The following XPA variants were observed in gnomAD, a reference collection of about 807,000 sequenced individuals.
XPA encodes DNA repair protein complementing XP-A cells.
XPA carries 27 observed loss-of-function variants against 35.7 expected under a neutral mutation model. That is an observed-to-expected ratio of 0.76 (90% CI 0.56 to 1.04). The LOEUF is 1.04. Ranked by LOEUF, XPA falls within the 50% of genes least tolerant of loss-of-function variation. The pLI is 0.00. For missense variants in XPA, 354 were observed against 342.7 expected (o/e 1.03, Z -0.26); for synonymous variants, 133 against 118.4 (o/e 1.12, Z -0.80).
intron 5 of XPA, among the ~76,000 whole-genome samples, chr9:97,684,118 T>G (rs1828632637): frequency 6.6e-6 from 1 of 152,212 alleles, no homozygotes; most frequent in African/African-American, 2.4e-5. Flanking sequence ...CACCGCACGT[T>G]CATCACTATC....
chr9:97,665,552 C>T, the XPA span, among the ~76,000 whole-genome samples: 3 of 152,236 alleles, frequency 2.0e-5, no homozygotes, highest in African/African-American at 7.2e-5. Flanking sequence ...ACTCTGCAAA[C>T]CTTTCCCTGA....
the XPA span, chr9:97,668,822 C>T: frequency 4.4e-6 from 7 of 1,603,842 alleles, no homozygotes; most frequent in Non-Finnish European, 5.1e-6. Context: ...TGGTATTTTC[C>T]TTTTGTTCAT....
At chr9:97,680,368 C>G (rs1294374240) in intron 5 of XPA, among the ~76,000 whole-genome samples, 1 of 152,028 alleles carries the variant, frequency 6.6e-6, no homozygotes, top group African/African-American at 2.4e-5. Context: ...ACCATCATGC[C>G]CAGCTAATTT....
At chr9:97,676,606 G>C (rs906715950) in intron 5 of XPA, among the ~76,000 whole-genome samples, 2 of 152,054 alleles carry the variant, frequency 1.3e-5, no homozygotes, top group Admixed American at 6.5e-5. Flanking sequence ...CTTATTTTCA[G>C]CTTTTATGAG....
rs548728905 is a variant in XPA, at chr9:97,675,000, C to T, written c.*439G>A. The T allele has an allele frequency of 3.8e-6, 2 of 526,096 alleles. No homozygotes were observed. Among genetic ancestry groups the T allele is most frequent in the Non-Finnish European group, 7.4e-6 (2 of 271,238 alleles). 32.6% of individuals were successfully genotyped at this position (526,096 alleles called of 1,614,324 possible). A position where few individuals can be genotyped will look rare whatever the true frequency, so the allele number is the denominator to read the frequency against. ...TTTCCACCATCGTGGAGACAGAAAT[C>T]GTCCTAAAAAACACATGACTAGAAC... On this transcript the variant is annotated 3_prime_UTR_variant, in exon 6 of 6. Coordinates refer to ENST00000375128, the MANE Select transcript of XPA (RefSeq NM_000380.4).
At chr9:97,667,035 G>C in the XPA span, among the ~76,000 whole-genome samples, 5 of 152,338 alleles carry the variant, frequency 3.3e-5, no homozygotes, top group African/African-American at 1.2e-4. Context: ...AGAAGCAGAA[G>C]AGGAGGAAGG....
chr9:97,677,713 C>T lies in XPA; in HGVS notation c.674-2126G>A, dbSNP rs183342476. Among the ~76,000 whole-genome samples, 10 of 151,472 alleles carry T rather than the reference C, an allele frequency of 6.6e-5. No individual in the cohort carries two copies. In the East Asian group the frequency reaches 1.6e-3, roughly 24 times the overall value. ...TGTCTCAAAGAAAAAAACAACAGAACATAAGAAAGTATTTAAAAATGGATA... is the reference window on the plus strand; with the variant it reads ...TGTCTCAAAGAAAAAAACAACAGAATATAAGAAAGTATTTAAAAATGGATA... On this transcript the variant is annotated intron_variant, in intron 5 of 5. Transcript: ENST00000375128.
chr9:97,657,133 AT>A, the XPA span, among the ~76,000 whole-genome samples: 1 of 151,966 alleles, frequency 6.6e-6, no homozygotes, highest in African/African-American at 2.4e-5. Context: ...CGCCTGGCTA[AT>A]TTTTTGTAGT....
chr9:97,689,963 G>A (rs1380098244), intron 2 of XPA, among the ~76,000 whole-genome samples: 1 of 152,122 alleles, frequency 6.6e-6, no homozygotes. Context: ...ATTATCACAC[G>A]GATCTCTAGT....
downstream of XPA, chr9:97,673,155 A>G (rs1431040328): frequency 6.6e-6 from 1 of 152,222 alleles, no homozygotes; most frequent in South Asian, 2.1e-4. Flanking sequence ...TATAGCATAT[A>G]ACATACAAAA....
intron 1 of XPA, 87 bp downstream of exon 1, chr9:97,697,034 C>T (rs954668241): frequency 1.4e-6 from 2 of 1,438,334 alleles, no homozygotes; most frequent in East Asian, 2.6e-5. Context: ...ACGCGACCCC[C>T]GGGCCCCGGG....
chr9:97,684,853 G>T, intron 5 of XPA, 70 bp downstream of exon 5: 2 of 1,268,534 alleles, frequency 1.6e-6, no homozygotes, highest in Non-Finnish European at 1.2e-6. Context: ...TAAACAGGAA[G>T]AATCTAGCTA....
the XPA span, among the ~76,000 whole-genome samples, chr9:97,665,540 TAAC>T: frequency 6.6e-6 from 1 of 152,230 alleles, no homozygotes; most frequent in African/African-American, 2.4e-5. Flanking sequence ...CAAATATTTG[TAAC>T]TCTGCAAACC....
Position 97,693,720 on chromosome 9 carries a change from G to A in XPA, c.212C>T (p.Thr71Ile), listed in dbSNP as rs747326646. The A allele has an allele frequency of 1.9e-6, 3 of 1,613,248 alleles. No homozygotes were observed. Among genetic ancestry groups the A allele is most frequent in the East Asian group, 4.5e-5 (2 of 44,796 alleles). ...NVKAAPKIID[T>I]GGGFILEEEE... The stretch of plus-strand genomic sequence containing the variant: ...CTCTTCTAAAATGAAGCCTCCTCCT[G>A]TGTCAATTATCTTTGGGGCTGCTTT... The change falls in exon 2 of 6, where the codon ACA becomes ATA. Residue 71 changes from threonine (T) to isoleucine (I), a missense_variant. Coordinates refer to ENST00000375128, the MANE Select transcript of XPA (RefSeq NM_000380.4).
At chr9:97,655,683 C>T in the XPA span, 4 of 1,593,730 alleles carry the variant, frequency 2.5e-6, no homozygotes, top group Non-Finnish European at 2.6e-6. Flanking sequence ...CTCTGCCTAC[C>T]TCCCCCTTCT....
chr9:97,686,331 G>A (rs1828714951), intron 4 of XPA, among the ~76,000 whole-genome samples: 1 of 152,182 alleles, frequency 6.6e-6, no homozygotes, highest in Admixed American at 6.5e-5. Flanking sequence ...TAGCCACTAA[G>A]TGGATCACCG....
chr9:97,678,254 A>G (rs1828427946), intron 5 of XPA, among the ~76,000 whole-genome samples: 1 of 152,136 alleles, frequency 6.6e-6, no homozygotes, highest in South Asian at 2.1e-4. Context: ...CACAAAAATT[A>G]GCTGGACATG....
intron 2 of XPA, among the ~76,000 whole-genome samples, chr9:97,693,410 G>A (rs1385500038): frequency 6.6e-6 from 1 of 152,052 alleles, no homozygotes; most frequent in Non-Finnish European, 1.5e-5. Flanking sequence ...AAACAACAGA[G>A]AGCAGCAACC....
chr9:97,684,713 C>T (rs569153327), intron 5 of XPA, among the ~76,000 whole-genome samples: 2 of 152,244 alleles, frequency 1.3e-5, no homozygotes, highest in African/African-American at 4.8e-5. Flanking sequence ...AAGATGATGA[C>T]GTACATGCTT....
Sources: gnomAD v4.1 joint callset for allele counts (sites outside exome capture counted in the v4.1 genomes callset) on GRCh38, gnomAD v4.1.1 for gene constraint, MANE v1.5 for transcripts, NCBI Gene and HGNC (gene_info 2026-07-23, HGNC 2026-07-21) for gene names.